SSH2: variants seen among roughly 807,000 people sequenced by gnomAD.
SSH2 encodes the protein protein phosphatase Slingshot homolog 2.
A neutral mutation model predicts 135.2 loss-of-function variants in SSH2; 37 were observed. That is an observed-to-expected ratio of 0.27 (90% CI 0.21 to 0.36). The LOEUF (loss-of-function observed/expected upper bound fraction) is 0.36. Among genes scored for constraint, SSH2 ranks in the 10% least tolerant of loss-of-function variants. The probability of loss-of-function intolerance (pLI) is 1.00; values close to 1 mark genes in which losing one functional copy is unlikely to be tolerated. For synonymous variants in SSH2, 628 were observed against 646.2 expected, an observed-to-expected ratio of 0.97 and a Z score of 0.43; for missense variants, 1,408 against 1,765.3, an observed-to-expected ratio of 0.80 and a Z score of 3.63.
intron 6 of SSH2, among the ~76,000 whole-genome samples, chr17:29,682,077 A>G (rs2038010842): frequency 6.6e-6 from 1 of 152,264 alleles, no homozygotes; most frequent in Non-Finnish European, 1.5e-5. Flanking sequence ...TTGGCAAAAG[A>G]TAGATGTAAT....
At chr17:29,646,866 A>C (rs1006934385) in intron 14 of SSH2, among the ~76,000 whole-genome samples, 15 of 152,108 alleles carry the variant, frequency 9.9e-5, no homozygotes, top group Admixed American at 2.6e-4. Flanking sequence ...AGTTATACAC[A>C]TCCGTATTCT....
intron 2 of SSH2, among the ~76,000 whole-genome samples, chr17:29,818,548 C>T (rs9908638): frequency 2.0e-5 from 3 of 151,824 alleles, no homozygotes; most frequent in Non-Finnish European, 2.9e-5. Flanking sequence ...GCGCCCAGCC[C>T]GCCAAGGGTA....
chr17:29,721,330 T>C (rs992916765), intron 3 of SSH2, among the ~76,000 whole-genome samples: 17 of 145,150 alleles, frequency 1.2e-4, no homozygotes, highest in Admixed American at 3.5e-4. Context: ...GACATTGCAG[T>C]ATAATCCTAC....
chr17:29,700,952 C>T (rs1212456270), intron 4 of SSH2, among the ~76,000 whole-genome samples: 1 of 150,986 alleles, frequency 6.6e-6, no homozygotes, highest in Non-Finnish European at 1.5e-5. Flanking sequence ...ACCATGCCTG[C>T]TAATTTTTGT....
At position 29,875,512 on chromosome 17, in the gene SSH2, C is replaced by T. The variant is rs28462085; in HGVS notation, c.64-26583G>A. Among the ~76,000 whole-genome samples the T allele has an allele frequency of 8.4e-3, 1,277 of 152,266 alleles. 12 individuals carry two copies. Among genetic ancestry groups the T allele is most frequent in the African/African-American group, 0.029 (1,216 of 41,548 alleles). On this transcript the variant is annotated intron_variant, in intron 1 of 15. Transcript: ENST00000540801. ...TCTCTTCTCCACACAGCATCCAAAG[C>T]CATCTTTTGAAAGCACAAACATGGT...
chr17:29,923,899 C>CT (rs2067019656), intron 1 of SSH2, among the ~76,000 whole-genome samples: 1 of 152,122 alleles, frequency 6.6e-6, no homozygotes, highest in Admixed American at 6.6e-5. Flanking sequence ...GACTGAGACT[C>CT]TGTCTCAAAA....
At chr17:29,656,795 C>A (rs2036799476) in intron 11 of SSH2, among the ~76,000 whole-genome samples, 1 of 152,098 alleles carries the variant, frequency 6.6e-6, no homozygotes, top group Admixed American at 6.5e-5. Flanking sequence ...AATACTTGAG[C>A]ATGTATCATC....
chr17:29,697,120 CTTTGT>C (rs1253486171), intron 4 of SSH2, among the ~76,000 whole-genome samples: 3 of 152,096 alleles, frequency 2.0e-5, no homozygotes, highest in Non-Finnish European at 2.9e-5. Flanking sequence ...GTTGAAATTT[CTTTGT>C]TTTAACTATT....
At position 29,892,551 on chromosome 17, in the gene SSH2, C is replaced by G. The variant is rs183745249; in HGVS notation, c.63+37387G>C. On this transcript the variant is annotated intron_variant, in intron 1 of 15. Coordinates refer to ENST00000540801, the MANE Select transcript of SSH2 (RefSeq NM_001282129.2). ...TTCAGTAAAGCTATACAAAGTAGAC[C>G]CAAGTTGGTCTGAAGGTTGTGGGTC... Among the ~76,000 whole-genome samples the G allele has an allele frequency of 2.0e-4, 31 of 152,088 alleles. No homozygotes were observed. In the East Asian group the frequency reaches 5.2e-3, roughly 26 times the overall value.
At chr17:29,668,607 C>T (rs183095902) in intron 9 of SSH2, among the ~76,000 whole-genome samples, 86 of 152,130 alleles carry the variant, frequency 5.7e-4, no homozygotes, top group Admixed American at 5.4e-3. Flanking sequence ...TAGTGACACA[C>T]AGCTGTAGTC....
At chr17:29,733,488 T>C (rs1397838375) in intron 3 of SSH2, among the ~76,000 whole-genome samples, 4 of 152,234 alleles carry the variant, frequency 2.6e-5, no homozygotes, top group African/African-American at 7.2e-5. Flanking sequence ...AAGTTAAACA[T>C]ATTCGATGTT....
intron 3 of SSH2, among the ~76,000 whole-genome samples, chr17:29,721,168 C>T (rs2039810925): frequency 6.6e-6 from 1 of 151,930 alleles, no homozygotes; most frequent in Non-Finnish European, 1.5e-5. Context: ...TGTGAAATAA[C>T]AATAATTCCA....
At chr17:29,777,896 C>T (rs2041744090) in intron 3 of SSH2, among the ~76,000 whole-genome samples, 1 of 151,782 alleles carries the variant, frequency 6.6e-6, no homozygotes, top group South Asian at 2.1e-4. Flanking sequence ...AGTAAGGGGC[C>T]AGCAGATGGG....
chr17:29,672,891 G>A (rs1567863544), intron 8 of SSH2, among the ~76,000 whole-genome samples: 2 of 151,992 alleles, frequency 1.3e-5, no homozygotes, highest in Non-Finnish European at 2.9e-5. Flanking sequence ...ATTTTTAGTC[G>A]AGACGGGTTT....
chr17:29,867,570 C>G (rs893953419), intron 1 of SSH2, among the ~76,000 whole-genome samples: 3 of 152,088 alleles, frequency 2.0e-5, no homozygotes, highest in Admixed American at 1.3e-4. Context: ...GTTTGAACAG[C>G]AAAAGGCAGA....
At chr17:29,871,198 T>C (rs899594202) in intron 1 of SSH2, among the ~76,000 whole-genome samples, 3 of 152,120 alleles carry the variant, frequency 2.0e-5, no homozygotes, top group African/African-American at 7.2e-5. Context: ...TTTTTTTCTC[T>C]TTATTTCCAA....
chr17:29,661,061 CAAAAAAAA>C (rs374216221), intron 11 of SSH2, among the ~76,000 whole-genome samples: 1 of 48,332 alleles, frequency 2.1e-5, no homozygotes, highest in Non-Finnish European at 4.5e-5. Context: ...AATTCCATCT[CAAAAAAAA>C]AAAAAAAAAA....
intron 3 of SSH2, among the ~76,000 whole-genome samples, chr17:29,734,917 A>C (rs2040315901): frequency 6.6e-6 from 1 of 152,214 alleles, no homozygotes. Flanking sequence ...TGATTGTTTA[A>C]AAATGGATAA....
intron 5 of SSH2, among the ~76,000 whole-genome samples, chr17:29,685,917 C>T (rs2038197716): frequency 6.8e-6 from 1 of 146,950 alleles, no homozygotes; most frequent in Non-Finnish European, 1.5e-5. Context: ...GGTGTGATCT[C>T]GGCTCACCGC....
Sources: gnomAD v4.1 joint callset for allele counts (sites outside exome capture counted in the v4.1 genomes callset) on GRCh38, gnomAD v4.1.1 for gene constraint, MANE v1.5 for transcripts, NCBI Gene and HGNC (gene_info 2026-07-23, HGNC 2026-07-21) for gene names.